The following SLC24A2 variants were observed in gnomAD, a reference collection of about 807,000 sequenced individuals.
SLC24A2 encodes the protein solute carrier family 24 member 2.
Under a neutral mutation model 62.0 loss-of-function variants are expected in SLC24A2, and 36 were observed. The ratio of observed to expected loss-of-function variants is 0.58; its 90% CI spans 0.44 to 0.77. SLC24A2 has a LOEUF of 0.77. Among genes scored for constraint, SLC24A2 ranks in the 30% least tolerant of loss-of-function variants. The pLI is 0.00. For synonymous variants in SLC24A2, 358 were observed against 294.0 expected (o/e 1.22, Z -2.23); for missense variants, 846 against 817.9 (o/e 1.03, Z -0.42).
intron 2 of SLC24A2, among the ~76,000 whole-genome samples, chr9:19,762,029 T>C (rs902651010): frequency 2.0e-5 from 3 of 152,188 alleles, no homozygotes; most frequent in East Asian, 3.9e-4. Context: ...ATGGTATTTC[T>C]AGTTCTAGAT....
chr9:19,510,091 C>T lies in SLC24A2; in HGVS notation c.*6062G>A, dbSNP rs1280277720. 5.9e-5 allele frequency: 9 copies of T among 151,986 alleles called. No homozygotes were observed. The East Asian group carries it at 1.5e-3, about 26-fold the overall frequency. The allele number at this position is 151,986 out of a possible 1,614,324, so 9.4% of individuals were successfully genotyped here. On this transcript the variant is annotated 3_prime_UTR_variant, in exon 11 of 11. Coordinates refer to ENST00000341998, the MANE Select transcript of SLC24A2 (RefSeq NM_020344.4). ...TTTGGAGTAATCTAAAGTGGTGTCT[C>T]CCCAATTTTGAGTTCTTTGTGAGTC...
chr9:19,890,284 A>C, the SLC24A2 span, among the ~76,000 whole-genome samples: 2 of 152,340 alleles, frequency 1.3e-5, no homozygotes, highest in East Asian at 3.9e-4. Flanking sequence ...TCTATTAGAA[A>C]CAAGTCAATA....
At chr9:19,588,822 A>G (rs958405455) in intron 5 of SLC24A2, among the ~76,000 whole-genome samples, 2 of 152,110 alleles carry the variant, frequency 1.3e-5, no homozygotes, top group African/African-American at 2.4e-5. Flanking sequence ...TTAGCCAAGC[A>G]TGGTGGCGCC....
the SLC24A2 span, among the ~76,000 whole-genome samples, chr9:20,273,792 C>T: frequency 5.3e-5 from 8 of 152,292 alleles, no homozygotes; most frequent in African/African-American, 1.9e-4. Flanking sequence ...AACCTTACCC[C>T]CATCTGTTCA....
At chr9:19,798,869 A>T in the SLC24A2 span, among the ~76,000 whole-genome samples, 1 of 151,908 alleles carries the variant, frequency 6.6e-6, no homozygotes, top group Non-Finnish European at 1.5e-5. Flanking sequence ...ACTTTACTTT[A>T]TTTCTGGTTA....
the SLC24A2 span, among the ~76,000 whole-genome samples, chr9:19,810,237 C>T: frequency 6.6e-6 from 1 of 152,170 alleles, no homozygotes; most frequent in South Asian, 2.1e-4. Flanking sequence ...GGCACAGTCT[C>T]AGGAGAACAG....
the SLC24A2 span, chr9:19,927,895 C>G: frequency 1.3e-5 from 2 of 152,498 alleles, no homozygotes; most frequent in Non-Finnish European, 2.9e-5. Flanking sequence ...CTCCCTCCCT[C>G]TTGCCTGGCA....
chr9:19,994,675 T>G, the SLC24A2 span, among the ~76,000 whole-genome samples: 1 of 152,184 alleles, frequency 6.6e-6, no homozygotes, highest in Non-Finnish European at 1.5e-5. Flanking sequence ...CAAGGACCTC[T>G]GAGGGCCTCT....
the SLC24A2 span, among the ~76,000 whole-genome samples, chr9:20,242,027 T>C: frequency 6.6e-6 from 1 of 152,160 alleles, no homozygotes; most frequent in Non-Finnish European, 1.5e-5. Flanking sequence ...ACCGAAAGCA[T>C]CTCCTGTTTT....
At chr9:20,218,186 G>T in the SLC24A2 span, among the ~76,000 whole-genome samples, 1 of 152,324 alleles carries the variant, frequency 6.6e-6, no homozygotes, top group East Asian at 1.9e-4. Context: ...ACCATCATCA[G>T]AACTTAGATC....
chr9:19,511,413 C>T lies in SLC24A2; in HGVS notation c.*4740G>A, dbSNP rs1171428717. 1 of 152,090 alleles carries T rather than the reference C, an allele frequency of 6.6e-6. No individual in the cohort carries two copies. The highest frequency in any genetic ancestry group is 1.5e-5 in the Non-Finnish European group (1 of 68,000). The allele number at this position is 152,090 out of a possible 1,614,324, so 9.4% of individuals were successfully genotyped here. ...AAAAAAATCTAAAACTGTATATGGG[C>T]TCTTGTAATTGGCTAAACATAGCCT... On this transcript the variant is annotated 3_prime_UTR_variant, in exon 11 of 11. Transcript: ENST00000341998.
intron 9 of SLC24A2, among the ~76,000 whole-genome samples, chr9:19,526,018 C>T (rs1391477203): frequency 6.6e-6 from 1 of 152,124 alleles, no homozygotes; most frequent in Non-Finnish European, 1.5e-5. Context: ...CCAACCTCTC[C>T]AATCCTAGGC....
At chr9:19,790,427 A>G (rs1450667854), upstream of SLC24A2, among the ~76,000 whole-genome samples, 1 of 150,770 alleles carries the variant, frequency 6.6e-6, no homozygotes, top group East Asian at 2.0e-4. Flanking sequence ...ATCTGTAAAT[A>G]TTTTCAGAAA....
the SLC24A2 span, among the ~76,000 whole-genome samples, chr9:20,166,844 C>A: frequency 6.6e-6 from 1 of 151,918 alleles, no homozygotes; most frequent in African/African-American, 2.4e-5. Flanking sequence ...CAAATGCAAA[C>A]AGAAACATAT....
At chr9:20,100,543 A>G in the SLC24A2 span, among the ~76,000 whole-genome samples, 1 of 152,212 alleles carries the variant, frequency 6.6e-6, no homozygotes, top group Admixed American at 6.5e-5. Flanking sequence ...CTCATTAGAC[A>G]TTAAGTTCAT....
the SLC24A2 span, among the ~76,000 whole-genome samples, chr9:19,830,126 C>T: frequency 6.6e-6 from 1 of 152,080 alleles, no homozygotes; most frequent in Non-Finnish European, 1.5e-5. Flanking sequence ...TCCAAGTTAT[C>T]TCTCCAGGGC....
chr9:19,828,485 A>G, the SLC24A2 span, among the ~76,000 whole-genome samples: 2 of 152,356 alleles, frequency 1.3e-5, no homozygotes, highest in Non-Finnish European at 2.9e-5. Flanking sequence ...AAAACAAACC[A>G]AAAGAACCTG....
chr9:19,851,007 A>ATATATATATATATG, the SLC24A2 span, among the ~76,000 whole-genome samples: 4 of 43,966 alleles, frequency 9.1e-5, no homozygotes, highest in Non-Finnish European at 2.1e-4. Context: ...ATATACACAT[A>ATATATATATATATG]CATATATATA....
intron 7 of SLC24A2, among the ~76,000 whole-genome samples, chr9:19,566,218 T>G (rs1835643532): frequency 1.3e-5 from 2 of 150,640 alleles, no homozygotes; most frequent in African/African-American, 4.9e-5. Flanking sequence ...TCTACTCATC[T>G]GACAAAGGGC....
Sources: gnomAD v4.1 joint callset for allele counts (sites outside exome capture counted in the v4.1 genomes callset) on GRCh38, gnomAD v4.1.1 for gene constraint, MANE v1.5 for transcripts, NCBI Gene and HGNC (gene_info 2026-07-23, HGNC 2026-07-21) for gene names.